Variants in TMEM117 observed in about 807,000 individuals in gnomAD.
TMEM117 encodes the protein transmembrane protein 117.
In TMEM117, 27 loss-of-function variants were observed where a neutral mutation model predicts 52.4. The ratio of observed to expected loss-of-function variants is 0.51; its 90% CI spans 0.38 to 0.71. The LOEUF is 0.71. TMEM117 is among the 30% of genes least tolerant of loss of function. The pLI, the probability that TMEM117 is intolerant of heterozygous loss-of-function variation, is 0.00. For synonymous variants in TMEM117, 215 were observed against 206.3 expected, an observed-to-expected ratio of 1.04 and a Z score of -0.36; for missense variants, 556 against 630.5, an observed-to-expected ratio of 0.88 and a Z score of 1.26.
intron 3 of TMEM117, among the ~76,000 whole-genome samples, chr12:44,010,477 A>T (rs1946272395): frequency 6.6e-6 from 1 of 151,908 alleles, no homozygotes; most frequent in African/African-American, 2.4e-5. Context: ...TTCCCATTCT[A>T]TCCCTCCACC....
chr12:44,272,173 G>A (rs1950454583), intron 5 of TMEM117, among the ~76,000 whole-genome samples: 1 of 152,036 alleles, frequency 6.6e-6, no homozygotes, highest in Admixed American at 6.6e-5. Flanking sequence ...CATTATGGAG[G>A]TTCCTCAAAA....
intron 3 of TMEM117, among the ~76,000 whole-genome samples, chr12:44,116,644 T>C (rs1049257974): frequency 2.0e-5 from 3 of 152,252 alleles, no homozygotes; most frequent in African/African-American, 4.8e-5. Context: ...TTTTCCAAAA[T>C]TGAATGTATC....
chr12:43,987,551 GTT>G (rs753465021), intron 3 of TMEM117, among the ~76,000 whole-genome samples: 1 of 143,238 alleles, frequency 7.0e-6, no homozygotes. Context: ...CTTTTAGTTA[GTT>G]TTTTTTTTTT....
At chr12:43,855,541 G>T (rs1163378264) in intron 2 of TMEM117, among the ~76,000 whole-genome samples, 1 of 152,060 alleles carries the variant, frequency 6.6e-6, no homozygotes, top group South Asian at 2.1e-4. Context: ...TACTTTTCTT[G>T]TGTTTATATT....
intron 4 of TMEM117, among the ~76,000 whole-genome samples, chr12:44,210,873 G>A (rs1421627730): frequency 6.6e-6 from 1 of 152,028 alleles, no homozygotes; most frequent in Non-Finnish European, 1.5e-5. Context: ...GCTGGAAGAA[G>A]TAAGGAAGAG....
chr12:43,945,830 C>T (rs1243949711), intron 3 of TMEM117, among the ~76,000 whole-genome samples: 1 of 152,060 alleles, frequency 6.6e-6, no homozygotes, highest in Non-Finnish European at 1.5e-5. Context: ...TTGTCCAGTT[C>T]CATGGGAAAC....
intron 3 of TMEM117, among the ~76,000 whole-genome samples, chr12:44,061,218 G>A (rs1408429369): frequency 6.6e-6 from 1 of 152,130 alleles, no homozygotes; most frequent in Non-Finnish European, 1.5e-5. Context: ...GTGAAAAAAT[G>A]TTACAGTGGT....
the TMEM117 span, chr12:43,806,299 C>T: frequency 1.8e-4 from 257 of 1,448,664 alleles, no homozygotes; most frequent in Non-Finnish European, 2.1e-4. Flanking sequence ...GCGGCCCCGG[C>T]CGGCGGCCCC....
At chr12:44,308,248 T>A (rs1950928268) in intron 6 of TMEM117, among the ~76,000 whole-genome samples, 1 of 152,196 alleles carries the variant, frequency 6.6e-6, no homozygotes, top group Non-Finnish European at 1.5e-5. Flanking sequence ...GGGCAGGAAT[T>A]TTTTCAAAGC....
intron 2 of TMEM117, among the ~76,000 whole-genome samples, chr12:43,875,514 T>C (rs1943780348): frequency 6.6e-6 from 1 of 152,266 alleles, no homozygotes. Context: ...ACTTGGCTTA[T>C]ATGTTTCTCA....
chr12:44,078,726 A>G (rs1489887414), intron 3 of TMEM117, among the ~76,000 whole-genome samples: 1 of 151,734 alleles, frequency 6.6e-6, no homozygotes, highest in Non-Finnish European at 1.5e-5. Context: ...TATTTTTATT[A>G]TACTTTAAGT....
intron 4 of TMEM117, among the ~76,000 whole-genome samples, chr12:44,206,239 T>C (rs1343969729): frequency 6.6e-6 from 1 of 152,232 alleles, no homozygotes; most frequent in East Asian, 1.9e-4. Flanking sequence ...GAACATGTCC[T>C]TAAGACACAG....
chr12:44,331,304 A>C (rs1951268135), intron 6 of TMEM117, among the ~76,000 whole-genome samples: 1 of 151,998 alleles, frequency 6.6e-6, no homozygotes, highest in African/African-American at 2.4e-5. Flanking sequence ...ACTACACTAC[A>C]AAGTAAATAA....
intron 7 of TMEM117, among the ~76,000 whole-genome samples, chr12:44,386,249 G>A (rs973902128): frequency 2.6e-5 from 4 of 152,022 alleles, no homozygotes; most frequent in Admixed American, 1.3e-4. Flanking sequence ...GCATCTACCA[G>A]TGTGTTCTAC....
At chr12:44,270,975 C>T (rs1250635645) in intron 5 of TMEM117, among the ~76,000 whole-genome samples, 1 of 151,820 alleles carries the variant, frequency 6.6e-6, no homozygotes, top group Non-Finnish European at 1.5e-5. Context: ...TTAAAAAGAT[C>T]ACTTGTGTTT....
chr12:44,367,426 T>G (rs901701510), intron 6 of TMEM117, among the ~76,000 whole-genome samples: 1 of 152,152 alleles, frequency 6.6e-6, no homozygotes, highest in Non-Finnish European at 1.5e-5. Flanking sequence ...TGTGAAACAC[T>G]TTTTTACCTG....
intron 3 of TMEM117, among the ~76,000 whole-genome samples, chr12:43,977,421 G>T (rs1400937797): frequency 6.6e-6 from 1 of 152,100 alleles, no homozygotes; most frequent in Non-Finnish European, 1.5e-5. Flanking sequence ...GGACCTGAGG[G>T]GGTATGAACA....
chr12:44,230,182 C>A (rs895507836), intron 5 of TMEM117, among the ~76,000 whole-genome samples: 1 of 151,974 alleles, frequency 6.6e-6, no homozygotes, highest in Admixed American at 6.6e-5. Context: ...AGGAAACAGG[C>A]TTAGAGTGGT....
intron 1 of TMEM117, among the ~76,000 whole-genome samples, chr12:43,843,212 G>T (rs1943145204): frequency 1.3e-5 from 2 of 152,086 alleles, no homozygotes; most frequent in African/African-American, 2.4e-5. Flanking sequence ...TAACTAAACT[G>T]GGAGAGAAGA....
Sources: allele counts gnomAD v4.1 joint callset (sites outside exome capture counted in the v4.1 genomes callset), GRCh38; gene constraint gnomAD v4.1.1; transcripts MANE v1.5; gene names NCBI Gene and HGNC (gene_info 2026-07-23, HGNC 2026-07-21).